Variants in REV1 observed in about 807,000 individuals in gnomAD.
REV1 encodes REV1 DNA directed polymerase.
Under a neutral mutation model 137.4 loss-of-function variants are expected in REV1, and 42 were observed. That is an observed-to-expected ratio of 0.31 (90% CI 0.24 to 0.40). REV1 has a LOEUF of 0.40. REV1 is among the 10% of genes least tolerant of loss of function. The pLI is 1.00. For missense variants in REV1, 1,282 were observed against 1,490.1 expected, an observed-to-expected ratio of 0.86 and a Z score of 2.30; for synonymous variants, 524 against 519.2, an observed-to-expected ratio of 1.01 and a Z score of -0.12.
chr2:99,403,602 A>C lies in REV1; in HGVS notation c.3166+93T>G. 2.6e-6 allele frequency: 4 copies of C among 1,529,190 alleles called. No individual in the cohort carries two copies. In the South Asian group the frequency reaches 3.4e-5, roughly 13 times the overall value. The allele number at this position is 1,529,190 out of a possible 1,614,324, so 94.7% of individuals were successfully genotyped here. A position where few individuals can be genotyped will look rare whatever the true frequency, so the allele number is the denominator to read the frequency against. On this transcript the variant is annotated intron_variant, in intron 19 of 22. Coordinates refer to ENST00000258428, the MANE Select transcript of REV1 (RefSeq NM_016316.4). ...TGAAGAGCTCTTAATGCAACAGCTTAGACTTTGCCCATTATATACTGCAAT... is the reference window on the plus strand; with the variant it reads ...TGAAGAGCTCTTAATGCAACAGCTTCGACTTTGCCCATTATATACTGCAAT...
At chr2:99,404,305 T>TCTCCC (rs373313528) in intron 18 of REV1, 139 bp downstream of exon 18, 107 of 691,628 alleles carry the variant, frequency 1.5e-4, no homozygotes, top group Middle Eastern at 8.6e-4. Context: ...ACAAGCCCAC[T>TCTCCC]CTCCCCTCCC....
chr2:99,447,152 A>T (rs1682325217), intron 4 of REV1, among the ~76,000 whole-genome samples: 1 of 151,116 alleles, frequency 6.6e-6, no homozygotes. Flanking sequence ...GTAAAATGTT[A>T]TTTATTTGAC....
chr2:99,448,145 A>G (rs570371722), intron 4 of REV1, among the ~76,000 whole-genome samples: 27 of 152,324 alleles, frequency 1.8e-4, no homozygotes, highest in African/African-American at 5.5e-4. Flanking sequence ...AATACACTAT[A>G]CAAAGGAACT....
At chr2:99,412,373 T>C (rs1400062387) in intron 13 of REV1, among the ~76,000 whole-genome samples, 1 of 152,050 alleles carries the variant, frequency 6.6e-6, no homozygotes, top group Non-Finnish European at 1.5e-5. Flanking sequence ...AGGGGTTTGC[T>C]GAAACTTAAT....
chr2:99,478,887 T>C (rs539176812), intron 1 of REV1, among the ~76,000 whole-genome samples: 1 of 152,102 alleles, frequency 6.6e-6, no homozygotes, highest in Non-Finnish European at 1.5e-5. Context: ...TAAAAATGTA[T>C]CTATAGTGGT....
intron 3 of REV1, among the ~76,000 whole-genome samples, chr2:99,460,670 TAA>T (rs899424028): frequency 3.3e-5 from 5 of 152,124 alleles, no homozygotes; most frequent in East Asian, 1.9e-4. Context: ...TTTCTAAAAA[TAA>T]AGTTATTTTA....
intron 11 of REV1, among the ~76,000 whole-genome samples, chr2:99,419,758 A>G (rs937565508): frequency 6.6e-6 from 1 of 152,228 alleles, no homozygotes; most frequent in Non-Finnish European, 1.5e-5. Context: ...GCAGTGGAGG[A>G]AAAGGGCACC....
chr2:99,434,286 A>C (rs780105985), intron 8 of REV1, 46 bp downstream of exon 8: 1 of 1,277,946 alleles, frequency 7.8e-7, no homozygotes, highest in Non-Finnish European at 1.1e-6. Context: ...AAAATCCAGA[A>C]GCCATCCACA....
At chr2:99,469,825 T>C (rs1685201871) in intron 1 of REV1, among the ~76,000 whole-genome samples, 1 of 152,194 alleles carries the variant, frequency 6.6e-6, no homozygotes, top group Admixed American at 6.5e-5. Context: ...CCGAGAATTA[T>C]GTTTATCACC....
intron 1 of REV1, among the ~76,000 whole-genome samples, chr2:99,468,778 T>C (rs762166919): frequency 2.5e-4 from 38 of 152,214 alleles, no homozygotes; most frequent in Non-Finnish European, 4.0e-4. Flanking sequence ...AATGCAAAAG[T>C]ACCCTTACCC....
intron 9 of REV1, among the ~76,000 whole-genome samples, chr2:99,426,284 T>C (rs1254653326): frequency 2.6e-5 from 4 of 151,296 alleles, no homozygotes; most frequent in Non-Finnish European, 5.9e-5. Flanking sequence ...GAGGTGGAGG[T>C]TGCAGCGAGC....
chr2:99,414,398 T>G (rs1288540610), intron 12 of REV1, among the ~76,000 whole-genome samples: 2 of 152,070 alleles, frequency 1.3e-5, no homozygotes, highest in Admixed American at 6.5e-5. Flanking sequence ...TTGTGCCATT[T>G]TAAAGTCCAA....
intron 3 of REV1, among the ~76,000 whole-genome samples, chr2:99,458,068 A>T (rs1048437403): frequency 2.6e-5 from 4 of 152,224 alleles, no homozygotes; most frequent in African/African-American, 9.6e-5. Flanking sequence ...TAGACTTGCA[A>T]GCACAATCCA....
At chr2:99,418,987 A>AT (rs775629911) in intron 11 of REV1, 40 bp from the exon 12 acceptor site, 12 of 1,500,920 alleles carry the variant, frequency 8.0e-6, no homozygotes, top group Non-Finnish European at 1.0e-5. Context: ...AGTCACAATT[A>AT]TTTTTTAAAT....
intron 5 of REV1, among the ~76,000 whole-genome samples, chr2:99,440,334 T>G (rs1309411075): frequency 1.3e-5 from 2 of 152,238 alleles, no homozygotes; most frequent in Non-Finnish European, 2.9e-5. Flanking sequence ...AGGCTCCAGA[T>G]GAAGGGCTGC....
At chr2:99,479,385 C>T (rs1232965421) in intron 1 of REV1, among the ~76,000 whole-genome samples, 1 of 151,828 alleles carries the variant, frequency 6.6e-6, no homozygotes, top group Non-Finnish European at 1.5e-5. Context: ...TGTCCTGCCC[C>T]CCACTTCCCC....
chr2:99,402,492 G>A, intron 21 of REV1, 146 bp from the exon 22 acceptor site: 2 of 873,806 alleles, frequency 2.3e-6, no homozygotes, highest in Non-Finnish European at 3.6e-6. Flanking sequence ...TTCAAAGCAA[G>A]TCCCAGAATT....
At chr2:99,411,476 G>A (rs1341653181) in intron 13 of REV1, among the ~76,000 whole-genome samples, 1 of 147,324 alleles carries the variant, frequency 6.8e-6, no homozygotes, top group African/African-American at 2.5e-5. Flanking sequence ...GCATGATCTC[G>A]GCTCACTGCA....
chr2:99,488,533 C>T lies in REV1; in HGVS notation c.-11+1284G>A, dbSNP rs1490428578. On this transcript the variant is annotated intron_variant, in intron 1 of 22. Coordinates refer to ENST00000258428, the MANE Select transcript of REV1 (RefSeq NM_016316.4). ...CAACACAGGAAAAGGCGCAAATAGC[C>T]TAAGAATTGAATGGAAGAGAGCCTT... 1.0e-4 allele frequency among the ~76,000 whole-genome samples: 5 copies of T among 49,904 alleles called. 2 individuals are homozygous for T. Among genetic ancestry groups the T allele is most frequent in the Admixed American group, 7.0e-4 (2 of 2,850 alleles). The allele number at this position is 49,904 out of a possible 152,430, so 32.7% of individuals were successfully genotyped here.
Sources: allele counts gnomAD v4.1 joint callset (sites outside exome capture counted in the v4.1 genomes callset), GRCh38; gene constraint gnomAD v4.1.1; transcripts MANE v1.5; gene names NCBI Gene and HGNC (gene_info 2026-07-23, HGNC 2026-07-21).